The following PDE4D variants were observed in gnomAD, a reference collection of about 807,000 sequenced individuals.
PDE4D encodes the protein 3',5'-cyclic-AMP phosphodiesterase 4D.
Under a neutral mutation model 87.4 loss-of-function variants are expected in PDE4D, and 24 were observed. That is an observed-to-expected ratio of 0.27 (90% CI 0.20 to 0.39). The LOEUF is 0.39. Ranked by LOEUF, PDE4D falls within the 10% of genes least tolerant of loss-of-function variation. The probability of loss-of-function intolerance (pLI) is 1.00; values close to 1 mark genes in which losing one functional copy is unlikely to be tolerated. For missense variants in PDE4D, 714 were observed against 1,041.0 expected, an observed-to-expected ratio of 0.69 and a Z score of 4.32; for synonymous variants, 384 against 383.2, an observed-to-expected ratio of 1.00 and a Z score of -0.02.
intron 1 of PDE4D, among the ~76,000 whole-genome samples, chr5:60,427,385 A>G (rs1388496536): frequency 6.6e-6 from 1 of 152,200 alleles, no homozygotes; most frequent in African/African-American, 2.4e-5. Context: ...GGGACTGAAA[A>G]CCCCAATGGC....
In PDE4D at chr5:60,323,033, G is replaced by A. The variant is rs138815714; in HGVS notation, c.-89-137346C>T. On this transcript the variant is annotated intron_variant, in intron 1 of 16. Coordinates refer to the PDE4D transcript ENST00000502484. The stretch of plus-strand genomic sequence containing the variant: ...TTTGTGATATTCTTCCATCTCCTCT[G>A]TAGGTTGATCTTCGTTCACATAGAT... Among the ~76,000 whole-genome samples, 520 of 152,232 alleles carry A rather than the reference G, an allele frequency of 3.4e-3. 1 individual carries two copies. Among genetic ancestry groups the A allele is most frequent in the African/African-American group, 0.012 (488 of 41,538 alleles).
intron 1 of PDE4D, among the ~76,000 whole-genome samples, chr5:59,559,063 T>C (rs1819478369): frequency 6.6e-6 from 1 of 152,132 alleles, no homozygotes; most frequent in Non-Finnish European, 1.5e-5. Flanking sequence ...TACTCATATT[T>C]AAATCAAATT....
chr5:59,168,719 A>C (rs1782281862), intron 5 of PDE4D, among the ~76,000 whole-genome samples: 1 of 152,230 alleles, frequency 6.6e-6, no homozygotes, highest in African/African-American at 2.4e-5. Flanking sequence ...AAAAAAAAGA[A>C]GAGAGATGTC....
rs904844721 is a variant in PDE4D, at chr5:58,969,143, C to T, written c.*5521G>A. ...GGCTATATTCAACACATATTAAGAA[C>T]CTACTGTGTACCAGGCATAGTTTTA... On this transcript the variant is annotated 3_prime_UTR_variant, in exon 15 of 15. Transcript: ENST00000340635. 3 of 152,100 alleles carry T rather than the reference C, an allele frequency of 2.0e-5. No homozygotes were observed. The highest frequency in any genetic ancestry group is 7.2e-5 in the African/African-American group (3 of 41,406). The allele number at this position is 152,100 out of a possible 1,614,324, so 9.4% of individuals were successfully genotyped here.
intron 1 of PDE4D, among the ~76,000 whole-genome samples, chr5:59,756,103 C>G (rs1761176805): frequency 6.6e-6 from 1 of 151,712 alleles, no homozygotes; most frequent in African/African-American, 2.4e-5. Context: ...TTCTGAAGAT[C>G]TACTTTGGAA....
intron 2 of PDE4D, among the ~76,000 whole-genome samples, chr5:60,181,211 T>A (rs1269560675): frequency 1.3e-5 from 2 of 152,180 alleles, no homozygotes; most frequent in Non-Finnish European, 2.9e-5. Flanking sequence ...GGTGAGTGAC[T>A]GCTTCTAAAA....
intron 1 of PDE4D, among the ~76,000 whole-genome samples, chr5:59,358,300 T>C (rs1367046285): frequency 2.6e-5 from 4 of 152,138 alleles, no homozygotes; most frequent in African/African-American, 9.7e-5. Context: ...AGCAGCAACC[T>C]TGGAGGAGCA....
At chr5:59,463,482 T>C (rs1301384123) in intron 1 of PDE4D, among the ~76,000 whole-genome samples, 1 of 152,180 alleles carries the variant, frequency 6.6e-6, no homozygotes, top group Non-Finnish European at 1.5e-5. Flanking sequence ...ATGATGTTTC[T>C]AGGATTAAGA....
At chr5:60,197,021 A>ATAGATAGG (rs1284086993) in intron 1 of PDE4D, among the ~76,000 whole-genome samples, 2 of 60,476 alleles carry the variant, frequency 3.3e-5, no homozygotes, top group East Asian at 8.2e-4. Context: ...AGATAGGCAG[A>ATAGATAGG]TAGATAGATA....
At chr5:59,708,157 G>A (rs572175017) in intron 1 of PDE4D, among the ~76,000 whole-genome samples, 20 of 152,194 alleles carry the variant, frequency 1.3e-4, no homozygotes, top group Admixed American at 3.9e-4. Context: ...CATTCTGACT[G>A]GTGTGAGATG....
intron 1 of PDE4D, among the ~76,000 whole-genome samples, chr5:59,584,694 C>T (rs1014822531): frequency 6.6e-6 from 1 of 152,050 alleles, no homozygotes; most frequent in Non-Finnish European, 1.5e-5. Context: ...TACATGGATC[C>T]TATGTATTAC....
intron 1 of PDE4D, among the ~76,000 whole-genome samples, chr5:59,368,416 T>A (rs564647781): frequency 1.3e-5 from 2 of 152,350 alleles, no homozygotes; most frequent in African/African-American, 4.8e-5. Context: ...AGTATGCTTA[T>A]GAGTGCCATT....
chr5:59,535,275 G>C (rs2153681545), intron 1 of PDE4D, among the ~76,000 whole-genome samples: 1 of 152,146 alleles, frequency 6.6e-6, no homozygotes, highest in African/African-American at 2.4e-5. Flanking sequence ...CAGTCACCTG[G>C]GTCCTGTCCC....
chr5:60,381,695 GAAGGT>G lies in PDE4D; in HGVS notation c.-90+106242_-90+106246del, dbSNP rs1583583284. Among the ~76,000 whole-genome samples, 4 of 152,198 alleles carry G rather than the reference GAAGGT, an allele frequency of 2.6e-5. No individual in the cohort carries two copies. The East Asian group carries it at 7.7e-4, about 29-fold the overall frequency. The stretch of plus-strand genomic sequence containing the variant: ...AAGCCGAGGAAGCAAGTGGAGGATG[GAAGGT>G]AAATTTGGTAGCTGACATTCAATTT... On this transcript the variant is annotated intron_variant, in intron 1 of 16. Coordinates refer to the PDE4D transcript ENST00000502484.
chr5:59,000,200 ACTC>A, intron 6 of PDE4D, among the ~76,000 whole-genome samples: 1 of 151,786 alleles, frequency 6.6e-6, no homozygotes, highest in East Asian at 1.9e-4. Context: ...TGACCATAAA[ACTC>A]CTCAAAATTC....
chr5:60,383,517 T>C (rs1279953778), intron 1 of PDE4D, among the ~76,000 whole-genome samples: 4 of 152,226 alleles, frequency 2.6e-5, no homozygotes, highest in East Asian at 1.9e-4. Flanking sequence ...AAAGGTGTGC[T>C]TCCCAGAATA....
At position 58,975,728 on chromosome 5, in the gene PDE4D, G is replaced by A. The variant is rs1157136199; in HGVS notation, c.1942C>T (p.Arg648Ter). 1 of 1,612,898 alleles carries A rather than the reference G, an allele frequency of 6.2e-7. No homozygotes were observed. The highest frequency in any genetic ancestry group is 8.5e-7 in the Non-Finnish European group (1 of 1,179,394). Residue 648 changes from arginine (R) to a stop codon, truncating the protein, a stop_gained, in exon 14 of 15, where the codon CGA becomes TGA. Coordinates refer to ENST00000340635, the MANE Select transcript of PDE4D (RefSeq NM_001104631.2). LOFTEE classifies it high-confidence loss of function. This position sits in a 1 kb window ranked among gnomAD's most constrained non-coding sequence, Gnocchi z 4.2. Reference protein sequence around the residue: ...IMEEFFRQGDRERERGMEISP... With the variant: ...IMEEFFRQGD ...ATCTCCATGCCACGTTCCCTCTCTC[G>A]GTCTCCTTGGCGGAAGAACTCCTCC...
chr5:60,343,873 C>A (rs1031792750), intron 1 of PDE4D, among the ~76,000 whole-genome samples: 2 of 152,134 alleles, frequency 1.3e-5, no homozygotes, highest in Middle Eastern at 3.4e-3. Context: ...TGCTAATATT[C>A]GGGTTGTTTA....
At chr5:59,578,394 G>A (rs1182967150) in intron 1 of PDE4D, among the ~76,000 whole-genome samples, 1 of 152,104 alleles carries the variant, frequency 6.6e-6, no homozygotes, top group Non-Finnish European at 1.5e-5. Flanking sequence ...ATCCATAGGA[G>A]ACATTCTCAT....
Sources: allele counts gnomAD v4.1 joint callset (sites outside exome capture counted in the v4.1 genomes callset), GRCh38; gene constraint gnomAD v4.1.1; non-coding constraint Gnocchi (gnomAD v3.1); transcripts MANE v1.5; gene names NCBI Gene and HGNC (gene_info 2026-07-23, HGNC 2026-07-21).